TAF2: variants seen among roughly 807,000 people sequenced by gnomAD.
The protein encoded by TAF2 is TATA-box binding protein associated factor 2.
TAF2 carries 61 observed loss-of-function variants against 138.5 expected under a neutral mutation model. The observed-to-expected ratio is 0.44, with a 90% CI of 0.36 to 0.54. The LOEUF is 0.54. Among genes scored for constraint, TAF2 ranks in the 20% least tolerant of loss-of-function variants. The pLI, the probability that TAF2 is intolerant of heterozygous loss-of-function variation, is 0.00. For missense variants in TAF2, 1,090 were observed against 1,427.9 expected, an observed-to-expected ratio of 0.76 and a Z score of 3.81; for synonymous variants, 475 against 469.9, an observed-to-expected ratio of 1.01 and a Z score of -0.14.
At position 119,739,010 on chromosome 8, in the gene TAF2, GTT is replaced by G. The variant is rs796747710; in HGVS notation, c.3337+3522_3337+3523del. ...GGGCAAGCTCTCAAGCTTTAAAGAAGTTTTTTTTTTTTTTTTTTTAAATTAAA... is the reference window on the plus strand; with the variant it reads ...GGGCAAGCTCTCAAGCTTTAAAGAAGTTTTTTTTTTTTTTTTTAAATTAAA... On this transcript the variant is annotated intron_variant, in intron 25 of 25. Coordinates refer to ENST00000378164, the MANE Select transcript of TAF2 (RefSeq NM_003184.4). Among the ~76,000 whole-genome samples, 12 of 105,432 alleles carry G rather than the reference GTT, an allele frequency of 1.1e-4. No homozygotes were observed. The East Asian group carries it at 1.6e-3, about 14-fold the overall frequency. 69.2% of individuals were successfully genotyped at this position (105,432 alleles called of 152,430 possible).
chr8:119,736,489 G>A (rs917383159), intron 25 of TAF2, among the ~76,000 whole-genome samples: 1 of 152,218 alleles, frequency 6.6e-6, no homozygotes, highest in Admixed American at 6.5e-5. Flanking sequence ...GACAATAATT[G>A]TGATAGACTG....
At chr8:119,831,802 T>C (rs1826465107) in intron 1 of TAF2, 71 bp from the exon 2 acceptor site, 1 of 1,053,614 alleles carries the variant, frequency 9.5e-7, no homozygotes, top group African/African-American at 1.6e-5. Context: ...TATAATTCTA[T>C]CCAAGTATAA....
chr8:119,799,783 T>C (rs999679338), intron 6 of TAF2, among the ~76,000 whole-genome samples: 1 of 152,202 alleles, frequency 6.6e-6, no homozygotes, highest in Non-Finnish European at 1.5e-5. Flanking sequence ...GTAAAAGTGT[T>C]CCTATTTCTC....
chr8:119,826,977 T>G (rs758377206), intron 2 of TAF2, among the ~76,000 whole-genome samples: 101 of 152,112 alleles, frequency 6.6e-4, no homozygotes, highest in Admixed American at 1.2e-3. Flanking sequence ...GTGGATCGCT[T>G]GAGCCCAGGA....
intron 2 of TAF2, among the ~76,000 whole-genome samples, chr8:119,824,048 C>G (rs952039956): frequency 6.6e-6 from 1 of 152,078 alleles, no homozygotes; most frequent in Non-Finnish European, 1.5e-5. Context: ...AGCAGTCAAG[C>G]GGTGACTTGG....
At chr8:119,799,441 A>G (rs1218378656) in intron 6 of TAF2, among the ~76,000 whole-genome samples, 7 of 151,984 alleles carry the variant, frequency 4.6e-5, no homozygotes, top group Non-Finnish European at 1.0e-4. Context: ...TGCTGAGAAT[A>G]ATGGTTTCCA....
At position 119,796,980 on chromosome 8, in the gene TAF2, G is replaced by A; in HGVS notation, c.1091+10C>T. The stretch of plus-strand genomic sequence containing the variant: ...CTCTTCTCAGTAGTATGAACTTTCA[G>A]GTCACTCACCAAGACATTCTAGATA... On this transcript the variant is annotated intron_variant, in intron 8 of 25. Coordinates refer to ENST00000378164, the MANE Select transcript of TAF2 (RefSeq NM_003184.4). 6.3e-7 allele frequency: 1 copy of A among 1,579,236 alleles called. No individual in the cohort carries two copies.
chr8:119,803,889 T>C lies in TAF2; in HGVS notation c.549A>G (p.Gln183=), dbSNP rs759169819. Residue 183 remains glutamine (Q), a synonymous_variant, in exon 5 of 26, where the codon CAA becomes CAG. Transcript: ENST00000378164. ...RGAHVFSCGY[Q]NSTRFWFPCV... ...AATCTATAATCTACCTTGTAGAATT[T>C]TGATACCCACAAGAGAAAACATGAG... The C allele has an allele frequency of 1.9e-6, 3 of 1,613,316 alleles. No homozygotes were observed. The highest frequency in any genetic ancestry group is 1.7e-5 in the Admixed American group (1 of 59,834).
intron 4 of TAF2, among the ~76,000 whole-genome samples, chr8:119,804,865 A>G (rs1179223129): frequency 6.6e-6 from 1 of 152,132 alleles, no homozygotes; most frequent in Admixed American, 6.5e-5. Flanking sequence ...CATTATTATC[A>G]CGTTTTTTGT....
intron 2 of TAF2, among the ~76,000 whole-genome samples, 184 bp from the exon 3 acceptor site, chr8:119,819,690 G>T (rs1239622641): frequency 6.6e-6 from 1 of 152,180 alleles, no homozygotes; most frequent in Non-Finnish European, 1.5e-5. Flanking sequence ...CTGAATGGGT[G>T]TGAGTTATGT....
At position 119,801,928 on chromosome 8, in the gene TAF2, A is replaced by G; in HGVS notation, c.658T>C (p.Leu220=). The G allele has an allele frequency of 8.7e-6, 14 of 1,614,218 alleles. No homozygotes were observed. The highest frequency in any genetic ancestry group is 1.2e-5 in the Non-Finnish European group (14 of 1,180,036). ...AAMVAVSNGD[L]VETVYTHDMR... is the part of the protein sequence containing the mutation. ...TCATGAGTATACACTGTCTCCACCA[A>G]ATCGCCATTAGAAACAGCAACCATT... is the stretch of plus-strand genomic sequence containing the variant. Residue 220 remains leucine, a synonymous_variant, in exon 6 of 26, where the codon TTG becomes CTG. Coordinates refer to ENST00000378164, the MANE Select transcript of TAF2 (RefSeq NM_003184.4).
At chr8:119,816,717 A>G (rs1040105680) in intron 3 of TAF2, among the ~76,000 whole-genome samples, 6 of 152,206 alleles carry the variant, frequency 3.9e-5, no homozygotes, top group Admixed American at 2.6e-4. Flanking sequence ...AATAAACATA[A>G]TATTTCTTCT....
chr8:119,777,548 C>T (rs1284067782), intron 18 of TAF2, among the ~76,000 whole-genome samples: 1 of 152,028 alleles, frequency 6.6e-6, no homozygotes, highest in African/African-American at 2.4e-5. Context: ...ATTTTTGAAG[C>T]AGGACATCCA....
intron 25 of TAF2, among the ~76,000 whole-genome samples, chr8:119,741,282 G>T (rs991365112): frequency 6.6e-6 from 1 of 151,974 alleles, no homozygotes; most frequent in Non-Finnish European, 1.5e-5. Flanking sequence ...TTAGACTCTC[G>T]GAAATTTAGA....
chr8:119,757,586 A>ATTTTTT (rs755457771), intron 21 of TAF2, among the ~76,000 whole-genome samples: 1 of 139,380 alleles, frequency 7.2e-6, no homozygotes, highest in Non-Finnish European at 1.6e-5. Context: ...TCTGCTAATA[A>ATTTTTT]TTTTTTTTTT....
At chr8:119,771,681 C>A (rs1309806189) in intron 18 of TAF2, among the ~76,000 whole-genome samples, 1 of 152,084 alleles carries the variant, frequency 6.6e-6, no homozygotes, top group Non-Finnish European at 1.5e-5. Flanking sequence ...CACTGGAGCA[C>A]CCAGATTCAT....
At chr8:119,771,838 G>GACCTAA (rs973854188) in intron 18 of TAF2, among the ~76,000 whole-genome samples, 1 of 151,994 alleles carries the variant, frequency 6.6e-6, no homozygotes, top group African/African-American at 2.4e-5. Flanking sequence ...AGACCAAATG[G>GACCTAA]ACCTAACAGA....
At chr8:119,796,500 AATT>A (rs1267806365) in intron 8 of TAF2, among the ~76,000 whole-genome samples, 2 of 152,130 alleles carry the variant, frequency 1.3e-5, no homozygotes, top group African/African-American at 4.8e-5. Flanking sequence ...ATCCCTAAAT[AATT>A]ATTAATATTG....
intron 24 of TAF2, among the ~76,000 whole-genome samples, chr8:119,743,157 T>C (rs1411204266): frequency 6.6e-6 from 1 of 152,048 alleles, no homozygotes; most frequent in Non-Finnish European, 1.5e-5. Context: ...ATTATTACAC[T>C]GATGACAAGT....
Sources: gnomAD v4.1 joint callset for allele counts (sites outside exome capture counted in the v4.1 genomes callset) on GRCh38, gnomAD v4.1.1 for gene constraint, MANE v1.5 for transcripts, NCBI Gene and HGNC (gene_info 2026-07-23, HGNC 2026-07-21) for gene names.